Variants in ADAMTSL3 observed in about 807,000 individuals in gnomAD.
ADAMTSL3 encodes the protein ADAMTS like 3.
ADAMTSL3 carries 128 observed loss-of-function variants against 201.7 expected under a neutral mutation model. That is an observed-to-expected ratio of 0.63 (90% CI 0.55 to 0.73). The LOEUF is 0.73. Ranked by LOEUF, ADAMTSL3 falls within the 30% of genes least tolerant of loss-of-function variation. The pLI is 0.00. For synonymous variants in ADAMTSL3, 738 were observed against 748.4 expected (o/e 0.99, Z 0.23); for missense variants, 1,990 against 2,119.6 (o/e 0.94, Z 1.20).
intron 9 of ADAMTSL3, among the ~76,000 whole-genome samples, chr15:83,877,837 G>A (rs1372152756): frequency 6.6e-6 from 1 of 151,874 alleles, no homozygotes; most frequent in African/African-American, 2.4e-5. Flanking sequence ...TGGTTATTTT[G>A]ATGTTACTAT....
intron 2 of ADAMTSL3, among the ~76,000 whole-genome samples, chr15:83,679,530 G>A (rs1596015138): frequency 2.0e-5 from 3 of 151,574 alleles, no homozygotes; most frequent in South Asian, 2.1e-4. Context: ...GCCTCCTTTC[G>A]TAGGCCATAA....
At chr15:83,817,307 T>A (rs74516578) in intron 5 of ADAMTSL3, among the ~76,000 whole-genome samples, 2,163 of 152,320 alleles carry the variant, frequency 0.014, 56 homozygotes, top group African/African-American at 0.049. Context: ...CAATATCTAT[T>A]TGTGGAAAAA....
intron 4 of ADAMTSL3, among the ~76,000 whole-genome samples, chr15:83,780,778 A>G (rs2063155919): frequency 6.6e-6 from 1 of 152,240 alleles, no homozygotes; most frequent in African/African-American, 2.4e-5. Context: ...TACAAAATCA[A>G]TGTGCAAAAA....
At chr15:83,878,269 A>G (rs2065212518) in intron 9 of ADAMTSL3, among the ~76,000 whole-genome samples, 1 of 152,154 alleles carries the variant, frequency 6.6e-6, no homozygotes, top group African/African-American at 2.4e-5. Flanking sequence ...ATGTTAAACC[A>G]ACTGTATCTT....
chr15:83,860,962 C>T (rs944272546), intron 8 of ADAMTSL3, among the ~76,000 whole-genome samples: 7 of 152,184 alleles, frequency 4.6e-5, no homozygotes, highest in Non-Finnish European at 7.3e-5. Context: ...CGGGTCACTC[C>T]CACCCTAATA....
intron 16 of ADAMTSL3, among the ~76,000 whole-genome samples, chr15:83,915,976 A>T (rs964468078): frequency 1.3e-5 from 2 of 152,178 alleles, no homozygotes; most frequent in East Asian, 1.9e-4. Context: ...TTTTATATGG[A>T]CATATGTTTT....
intron 23 of ADAMTSL3, among the ~76,000 whole-genome samples, chr15:84,005,695 G>T (rs975212950): frequency 5.9e-5 from 9 of 152,112 alleles, no homozygotes; most frequent in African/African-American, 2.2e-4. Context: ...GACCACACCA[G>T]GAAGAGGACT....
chr15:83,916,995 G>A (rs2066046423), intron 16 of ADAMTSL3, among the ~76,000 whole-genome samples: 1 of 152,168 alleles, frequency 6.6e-6, no homozygotes, highest in African/African-American at 2.4e-5. Context: ...CTATTTCAAC[G>A]TGGTTCAGTA....
At chr15:83,939,291 G>A (rs928831781) in intron 17 of ADAMTSL3, among the ~76,000 whole-genome samples, 1 of 151,694 alleles carries the variant, frequency 6.6e-6, no homozygotes, top group African/African-American at 2.4e-5. Context: ...AATTGTTTAT[G>A]CCTTAAATGT....
intron 19 of ADAMTSL3, among the ~76,000 whole-genome samples, chr15:83,952,405 T>C (rs2066774455): frequency 6.6e-6 from 1 of 152,210 alleles, no homozygotes; most frequent in African/African-American, 2.4e-5. Context: ...ATCCATGTGC[T>C]GAAGAGAAGA....
intron 2 of ADAMTSL3, among the ~76,000 whole-genome samples, chr15:83,689,004 G>A (rs57455342): frequency 0.3 from 45,030 of 151,628 alleles, 7,066 homozygotes; most frequent in South Asian, 0.49. Context: ...TGCATTTTTT[G>A]TAGAGACGGA....
At chr15:83,714,532 T>G (rs2061973917) in intron 3 of ADAMTSL3, among the ~76,000 whole-genome samples, 1 of 152,168 alleles carries the variant, frequency 6.6e-6, no homozygotes, top group African/African-American at 2.4e-5. Flanking sequence ...CGTCTAACCC[T>G]TGTATATCCT....
At chr15:83,786,003 C>T (rs898570269) in intron 4 of ADAMTSL3, among the ~76,000 whole-genome samples, 1 of 152,040 alleles carries the variant, frequency 6.6e-6, no homozygotes, top group Non-Finnish European at 1.5e-5. Flanking sequence ...GCCACCACAC[C>T]TGGCTGATTT....
At chr15:83,736,795 C>T (rs989955179) in intron 3 of ADAMTSL3, among the ~76,000 whole-genome samples, 1 of 152,206 alleles carries the variant, frequency 6.6e-6, no homozygotes, top group African/African-American at 2.4e-5. Context: ...AGCCCCCAAT[C>T]TAGAAGATAC....
At chr15:83,868,130 G>A (rs2065013224) in intron 8 of ADAMTSL3, among the ~76,000 whole-genome samples, 1 of 152,074 alleles carries the variant, frequency 6.6e-6, no homozygotes, top group South Asian at 2.1e-4. Context: ...AATTCTGGTG[G>A]GGATGCTTAT....
intron 11 of ADAMTSL3, 81 bp downstream of exon 11, chr15:83,890,328 C>A: frequency 6.6e-7 from 1 of 1,508,816 alleles, no homozygotes; most frequent in Non-Finnish European, 8.9e-7. Flanking sequence ...CTTTGCAGGG[C>A]AATACATTTC....
chr15:83,884,104 G>C (rs550855558), intron 9 of ADAMTSL3, among the ~76,000 whole-genome samples: 4 of 150,168 alleles, frequency 2.7e-5, no homozygotes, highest in African/African-American at 9.8e-5. Context: ...TGTTGGCCAG[G>C]CTGGTCTCAA....
At position 83,823,926 on chromosome 15, in the gene ADAMTSL3, T is replaced by TTCC. The variant is rs1567169532; in HGVS notation, c.600+3881_600+3882insCTC. Among the ~76,000 whole-genome samples the TTCC allele has an allele frequency of 1.4e-4, 16 of 111,212 alleles. No homozygotes were observed. In the South Asian group the frequency reaches 4.1e-3, roughly 29 times the overall value. The allele number at this position is 111,212 out of a possible 152,430, so 73.0% of individuals were successfully genotyped here. ...CTTCTTCTTCTTCTTCTTCTTCTTCTTCTTCTTCTTCTTCTTCTTCTTCTT... is the reference window on the plus strand; with the variant it reads ...CTTCTTCTTCTTCTTCTTCTTCTTCTTCCTCTTCTTCTTCTTCTTCTTCTTCTT... On this transcript the variant is annotated intron_variant, in intron 6 of 29. Transcript: ENST00000286744.
chr15:83,970,021 T>A (rs1246196421), intron 19 of ADAMTSL3, among the ~76,000 whole-genome samples: 3 of 152,188 alleles, frequency 2.0e-5, no homozygotes, highest in Non-Finnish European at 4.4e-5. Flanking sequence ...CCCAAACCCA[T>A]CACATTGTAC....
Sources: gnomAD v4.1 joint callset for allele counts (sites outside exome capture counted in the v4.1 genomes callset) on GRCh38, gnomAD v4.1.1 for gene constraint, MANE v1.5 for transcripts, NCBI Gene and HGNC (gene_info 2026-07-23, HGNC 2026-07-21) for gene names.